Variants in UCP3 observed in about 807,000 individuals in gnomAD.
The protein encoded by UCP3 is putative mitochondrial transporter UCP3.
A neutral mutation model predicts 28.1 loss-of-function variants in UCP3; 24 were observed. That is an observed-to-expected ratio of 0.85 (90% CI 0.62 to 1.20). The LOEUF (loss-of-function observed/expected upper bound fraction) is 1.20, where lower values mean the gene tolerates loss of function less well. Ranked by LOEUF, UCP3 falls within the 50% of genes most tolerant of loss-of-function variation. The probability of loss-of-function intolerance (pLI) is 0.00; values close to 1 mark genes in which losing one functional copy is unlikely to be tolerated. For synonymous variants in UCP3, 184 were observed against 171.2 expected (o/e 1.07, Z -0.59); for missense variants, 397 against 422.2 (o/e 0.94, Z 0.52).
intron 4 of UCP3, among the ~76,000 whole-genome samples, chr11:74,004,845 C>T (rs539247156): frequency 3.9e-4 from 59 of 152,340 alleles, no homozygotes; most frequent in African/African-American, 1.4e-3. Flanking sequence ...CATTTGGCCA[C>T]ATTTGGAGGG....
At chr11:74,002,035 G>A in intron 6 of UCP3, 1 of 186,522 alleles carries the variant, frequency 5.4e-6, no homozygotes, top group South Asian at 1.0e-4. Flanking sequence ...CTTCTCCAGA[G>A]AGGCTGGCTG....
rs773252105 is a variant in UCP3, at chr11:74,003,879, C to T, written c.772G>A (p.Asp258Asn). Residue 258 changes from aspartate (D) to asparagine (N), a missense_variant, in exon 6 of 7, where the codon GAC (aspartate) becomes AAC (asparagine). Physicochemically the swap from Asp to Asn is conservative, Grantham distance 23. Coordinates refer to ENST00000314032, the MANE Select transcript of UCP3 (RefSeq NM_003356.4). ...TGGGCCACCATCTTTATCATACAGTCGAGGGGGCTGAAGTACTGGCCTGGA... is the reference window on the plus strand; with the variant it reads ...TGGGCCACCATCTTTATCATACAGTTGAGGGGGCTGAAGTACTGGCCTGGA... ...SPPGQYFSPL[D>N]CMIKMVAQEG... 21 of 1,613,872 alleles carry T rather than the reference C, an allele frequency of 1.3e-5. No homozygotes were observed. The highest frequency in any genetic ancestry group is 3.3e-4 in the Middle Eastern group (2 of 6,072).
chr11:74,005,972 A>C, intron 3 of UCP3, 39 bp from the exon 4 acceptor site: 1 of 1,609,704 alleles, frequency 6.2e-7, no homozygotes, highest in South Asian at 1.1e-5. Context: ...GTCCCCTACT[A>C]AGCAGCATTC....
intron 6 of UCP3, chr11:74,002,963 A>G (rs1951632008): frequency 4.1e-6 from 4 of 984,658 alleles, no homozygotes; most frequent in Non-Finnish European, 4.8e-6. Context: ...TCTGACGGTC[A>G]GGGTTTGAGC....
At position 74,004,570 on chromosome 11, in the gene UCP3, A is replaced by T. The variant is rs1206131329; in HGVS notation, c.557T>A (p.Ile186Asn). Reference protein sequence around the residue: ...RGLWKGTLPNIMRNAIVNCAE... With the variant: ...RGLWKGTLPNNMRNAIVNCAE... ...ACAGTTGACGATAGCATTCCTCATG[A>T]TGTTGGGCAAAGTTCCTGTTAGGAA... is the stretch of plus-strand genomic sequence containing the variant. Residue 186 changes from isoleucine to asparagine, a missense_variant, in exon 5 of 7, where the codon ATC becomes AAC. Physicochemically the swap from Ile to Asn is moderately radical, Grantham distance 149. Transcript: ENST00000314032. The T allele has an allele frequency of 1.2e-6, 2 of 1,612,186 alleles. No homozygotes were observed. The highest frequency in any genetic ancestry group is 1.7e-5 in the Admixed American group (1 of 59,936).
intron 6 of UCP3, 198 bp from the exon 7 acceptor site, chr11:74,001,724 A>C: frequency 1.7e-6 from 1 of 572,398 alleles, no homozygotes; most frequent in Non-Finnish European, 3.0e-6. Context: ...AGTAAGGAAA[A>C]GAAAAAAAAA....
At chr11:74,005,047 A>G (rs191117708) in intron 4 of UCP3, among the ~76,000 whole-genome samples, 46 of 152,334 alleles carry the variant, frequency 3.0e-4, no homozygotes, top group African/African-American at 1.0e-3. Flanking sequence ...AGGGTGCCCA[A>G]CAAGTGAGTG....
Position 74,001,676 on chromosome 11 carries a change from T to TC in UCP3, c.825-151_825-150insG, listed in dbSNP as rs386362461. The TC allele has an allele frequency of 2.2e-3, 1,176 of 527,002 alleles. 8 individuals carry two copies. The African/African-American group carries it at 0.026, about 12-fold the overall frequency. The allele number at this position is 527,002 out of a possible 1,614,324, so 32.6% of individuals were successfully genotyped here. ...TGAATCCTTTCAGTCTCTCTCTCTCTTTTTTTTTTCTGCTAAGGGGATTTA... is the reference window on the plus strand; with the variant it reads ...TGAATCCTTTCAGTCTCTCTCTCTCTCTTTTTTTTTCTGCTAAGGGGATTTA... On this transcript the variant is annotated intron_variant, in intron 6 of 6. Coordinates refer to ENST00000314032, the MANE Select transcript of UCP3 (RefSeq NM_003356.4).
rs1191539115 is a variant in UCP3, at chr11:74,001,436, C to T, written c.915G>A (p.Gln305=). Residue 305 remains glutamine (Q), a synonymous_variant, in exon 7 of 7, where the codon CAG becomes CAA. Coordinates refer to ENST00000314032, the MANE Select transcript of UCP3 (RefSeq NM_003356.4). The part of the protein sequence containing the change: ...EQLKRALMKV[Q]MLRESPF ...TTCAAAACGGTGATTCCCGTAACAT[C>T]TGGACTTTCATCAGGGCCCGTTTCA... 6.2e-7 allele frequency: 1 copy of T among 1,614,170 alleles called. No individual in the cohort carries two copies. The highest frequency in any genetic ancestry group is 8.5e-7 in the Non-Finnish European group (1 of 1,180,032).
chr11:74,003,459 G>A (rs1951635280), intron 6 of UCP3: 6 of 1,001,536 alleles, frequency 6.0e-6, no homozygotes, highest in Non-Finnish European at 7.1e-6. Context: ...CGCAGAGGGA[G>A]CAGTAAGTGC....
At chr11:74,005,960 G>C (rs754600637) in intron 3 of UCP3, 27 bp from the exon 4 acceptor site, 41 of 1,612,656 alleles carry the variant, frequency 2.5e-5, no homozygotes, top group Non-Finnish European at 2.5e-6. Context: ...GAGTGGGCCA[G>C]TGTCCCCTAC....
At chr11:74,002,541 A>G (rs1951629523) in intron 6 of UCP3, among the ~76,000 whole-genome samples, 1 of 152,206 alleles carries the variant, frequency 6.6e-6, no homozygotes, top group Admixed American at 6.5e-5. Context: ...TTAGTCGTGC[A>G]GATTAGGTGA....
Position 74,000,851 on chromosome 11 carries a change from T to C in UCP3, c.*561A>G, listed in dbSNP as rs1951616716. 1 of 153,082 alleles carries C rather than the reference T, an allele frequency of 6.5e-6. No individual in the cohort carries two copies. The highest frequency in any genetic ancestry group is 1.5e-5 in the Non-Finnish European group (1 of 68,670). 9.5% of individuals were successfully genotyped at this position (153,082 alleles called of 1,614,324 possible). ...CTTCTTTAGCACAGGCTCTAGTTTT[T>C]TCTCTTGTTCCTTGGGTTTCCTAGA... On this transcript the variant is annotated 3_prime_UTR_variant, in exon 7 of 7. Coordinates refer to ENST00000314032, the MANE Select transcript of UCP3 (RefSeq NM_003356.4).
At chr11:74,001,603 AG>A (rs1315047780) in intron 6 of UCP3, 77 bp from the exon 7 acceptor site, 6 of 1,266,572 alleles carry the variant, frequency 4.7e-6, no homozygotes, top group Non-Finnish European at 6.9e-6. Flanking sequence ...CCCGGGACAC[AG>A]TGGTAGTGCC....
At chr11:74,007,809 G>A (rs1010237704) in intron 1 of UCP3, among the ~76,000 whole-genome samples, 3 of 152,126 alleles carry the variant, frequency 2.0e-5, no homozygotes, top group East Asian at 3.8e-4. Flanking sequence ...CCACAGTGGT[G>A]GGCACAGGTA....
chr11:74,006,074 C>T (rs557293646), intron 3 of UCP3, 95 bp downstream of exon 3: 423 of 1,570,330 alleles, frequency 2.7e-4, no homozygotes, highest in Admixed American at 1.3e-3. Context: ...AGCTTCCCCC[C>T]GCCCCTGGCT....
chr11:74,005,599 G>T, intron 4 of UCP3, 131 bp downstream of exon 4: 7 of 1,048,672 alleles, frequency 6.7e-6, no homozygotes, highest in South Asian at 1.3e-5. Context: ...AAGTATCTTT[G>T]GTTGTGATGT....
chr11:74,005,175 C>A (rs1213165189), intron 4 of UCP3, among the ~76,000 whole-genome samples: 2 of 152,148 alleles, frequency 1.3e-5, no homozygotes, highest in Non-Finnish European at 2.9e-5. Context: ...ATCGCAGTGG[C>A]TGCCATGTGG....
intron 6 of UCP3, 191 bp downstream of exon 6, chr11:74,003,636 C>T: frequency 7.1e-7 from 1 of 1,412,588 alleles, no homozygotes. Flanking sequence ...AGTCAGGCTT[C>T]CCTAACCCTC....
Sources: allele counts gnomAD v4.1 joint callset (sites outside exome capture counted in the v4.1 genomes callset), GRCh38; gene constraint gnomAD v4.1.1; transcripts MANE v1.5; gene names NCBI Gene and HGNC (gene_info 2026-07-23, HGNC 2026-07-21).